DNAH6: variants seen among roughly 807,000 people sequenced by gnomAD.
The protein encoded by DNAH6 is dynein axonemal heavy chain 6.
A neutral mutation model predicts 491.4 loss-of-function variants in DNAH6; 340 were observed. That is an observed-to-expected ratio of 0.69 (90% confidence interval 0.63 to 0.76). DNAH6 has a LOEUF of 0.76. Among genes scored for constraint, DNAH6 ranks in the 30% least tolerant of loss-of-function variants. The pLI is 0.00. For missense variants in DNAH6, 4,443 were observed against 4,972.2 expected, an observed-to-expected ratio of 0.89 and a Z score of 3.20; for synonymous variants, 1,603 against 1,686.1, an observed-to-expected ratio of 0.95 and a Z score of 1.21.
the DNAH6 span, among the ~76,000 whole-genome samples, chr2:84,483,047 A>AACTCCTAGGCTCAAGTGATCCTCCC: frequency 6.6e-6 from 1 of 151,468 alleles, no homozygotes; most frequent in East Asian, 1.9e-4. Flanking sequence ...TGCAGCCTCC[A>AACTCCTAGGCTCAAGTGATCCTCCC]ACTCCTAGGC....
intron 68 of DNAH6, among the ~76,000 whole-genome samples, chr2:84,789,954 A>G (rs984845083): frequency 6.6e-6 from 1 of 152,250 alleles, no homozygotes; most frequent in Non-Finnish European, 1.5e-5. Flanking sequence ...TCCCAGGACC[A>G]TCAGTTCTTT....
At chr2:84,588,393 C>G (rs1382937083) in intron 15 of DNAH6, among the ~76,000 whole-genome samples, 2 of 152,204 alleles carry the variant, frequency 1.3e-5, no homozygotes. Flanking sequence ...TAAAACATGT[C>G]TTGCCATTTA....
At chr2:84,607,814 G>T (rs1685924157) in intron 21 of DNAH6, among the ~76,000 whole-genome samples, 2 of 152,106 alleles carry the variant, frequency 1.3e-5, no homozygotes, top group South Asian at 4.1e-4. Context: ...GGTTGGGGGT[G>T]CTGTGGCAAT....
At chr2:84,649,532 G>A (rs188526283) in intron 33 of DNAH6, among the ~76,000 whole-genome samples, 4 of 152,064 alleles carry the variant, frequency 2.6e-5, no homozygotes, top group East Asian at 1.9e-4. Context: ...CATTCCAGAG[G>A]GATATTTCCC....
intron 42 of DNAH6, among the ~76,000 whole-genome samples, chr2:84,682,555 C>A (rs948873395): frequency 6.6e-6 from 1 of 152,160 alleles, no homozygotes; most frequent in Admixed American, 6.5e-5. Context: ...TCAGTGTGCA[C>A]CCTCAGGCAT....
At chr2:84,468,839 T>C in the DNAH6 span, among the ~76,000 whole-genome samples, 1 of 152,314 alleles carries the variant, frequency 6.6e-6, no homozygotes, top group African/African-American at 2.4e-5. Context: ...CTAAAATTTC[T>C]GTTCCCTGGA....
Position 84,518,036 on chromosome 2 carries a change from A to G in DNAH6, c.210A>G (p.Ile70Met). The G allele has an allele frequency of 6.5e-7, 1 of 1,547,962 alleles. No homozygotes were observed. Among genetic ancestry groups the G allele is most frequent in the Non-Finnish European group, 8.7e-7 (1 of 1,146,096 alleles). The stretch of plus-strand genomic sequence containing the variant: ...AGACAAGAAAACGACAGCAGCCTAT[A>G]AAACTAGAGCCTTTGGTAAGTTCAA... ...QEKTRKRQQP[I>M]KLEPLPVLKV... The change falls in exon 2 of 77, where the codon ATA becomes ATG. Residue 70 changes from isoleucine to methionine, a missense_variant. By Grantham distance (10) the Ile-to-Met change is conservative (BLOSUM62 1). Around this residue, in one of 3 missense-constraint regions of DNAH6, gnomAD observed 2,977 missense variants for 3,296.6 expected, o/e 0.90. Coordinates refer to ENST00000389394, the MANE Select transcript of DNAH6 (RefSeq NM_001370.2).
chr2:84,686,182 C>T (rs1350784994), intron 43 of DNAH6, among the ~76,000 whole-genome samples: 5 of 130,056 alleles, frequency 3.8e-5, no homozygotes, highest in South Asian at 2.3e-4. Context: ...TGCAAGACTC[C>T]GTCTCAAAAA....
At chr2:84,497,014 A>G in the DNAH6 span, among the ~76,000 whole-genome samples, 1 of 144,914 alleles carries the variant, frequency 6.9e-6, no homozygotes, top group South Asian at 2.1e-4. Context: ...TCTGTCACCC[A>G]TGCTGGAGTG....
intron 37 of DNAH6, among the ~76,000 whole-genome samples, chr2:84,668,230 A>T (rs374395719): frequency 5.7e-4 from 87 of 152,370 alleles, no homozygotes; most frequent in African/African-American, 1.9e-3. Context: ...CCTAGAACTT[A>T]AAGTATAATA....
At chr2:84,673,758 C>T (rs1311835178) in intron 40 of DNAH6, among the ~76,000 whole-genome samples, 1 of 152,180 alleles carries the variant, frequency 6.6e-6, no homozygotes, top group East Asian at 1.9e-4. Context: ...TCTCTTTTCA[C>T]ACTTTTCTGC....
chr2:84,624,289 G>T lies in DNAH6; in HGVS notation c.4096G>T (p.Val1366Phe), dbSNP rs938175546. The T allele has an allele frequency of 2.6e-6, 4 of 1,550,542 alleles. No homozygotes were observed. In the African/African-American group the frequency reaches 5.5e-5, roughly 21 times the overall value. The change falls in exon 27 of 77, where the codon GTT becomes TTT. Residue 1366 changes from valine (V) to phenylalanine (F), a missense_variant. Around this residue, in one of 3 missense-constraint regions of DNAH6, gnomAD observed 2,977 missense variants for 3,296.6 expected, o/e 0.90. Transcript: ENST00000389394. The stretch of plus-strand genomic sequence containing the variant: ...GAGATTAAATGCCCTAGCTGCAATA[G>T]TTCAAGGCAGTCTTCCTAAATTACA... ...FERLNALAAI[V>F]QGSLPKLHRN...
chr2:84,559,896 T>A (rs924511267), intron 11 of DNAH6, among the ~76,000 whole-genome samples: 1 of 152,064 alleles, frequency 6.6e-6, no homozygotes, highest in African/African-American at 2.4e-5. Flanking sequence ...CAAAGGAGAA[T>A]AAGTTCAAAA....
intron 37 of DNAH6, among the ~76,000 whole-genome samples, chr2:84,664,949 C>G (rs1691926763): frequency 6.6e-6 from 1 of 152,200 alleles, no homozygotes; most frequent in South Asian, 2.1e-4. Context: ...GAAACTCACT[C>G]AAGACCGCTC....
At chr2:84,636,555 C>T (rs893483170) in intron 30 of DNAH6, among the ~76,000 whole-genome samples, 3 of 152,128 alleles carry the variant, frequency 2.0e-5, no homozygotes, top group African/African-American at 4.8e-5. Context: ...CACCTATTGC[C>T]TCACCTGCAA....
At chr2:84,461,844 G>A in the DNAH6 span, among the ~76,000 whole-genome samples, 1 of 152,182 alleles carries the variant, frequency 6.6e-6, no homozygotes, top group Non-Finnish European at 1.5e-5. Flanking sequence ...CATCCATAAG[G>A]AGGGCAGTCT....
At chr2:84,761,603 A>G (rs1674585427) in intron 63 of DNAH6, among the ~76,000 whole-genome samples, 1 of 152,208 alleles carries the variant, frequency 6.6e-6, no homozygotes. Context: ...GCCCTATTGC[A>G]TAGCTGTTCC....
At chr2:84,527,694 C>T (rs893999379) in intron 3 of DNAH6, among the ~76,000 whole-genome samples, 5 of 152,140 alleles carry the variant, frequency 3.3e-5, no homozygotes, top group Admixed American at 6.5e-5. Flanking sequence ...TTACCTTTTA[C>T]GTTCAAAGAT....
chr2:84,599,929 T>C (rs2104237193), intron 18 of DNAH6, among the ~76,000 whole-genome samples: 1 of 152,358 alleles, frequency 6.6e-6, no homozygotes, highest in South Asian at 2.1e-4. Context: ...ACTTTTATGA[T>C]TTCTGTCCTT....
Sources: allele counts gnomAD v4.1 joint callset (sites outside exome capture counted in the v4.1 genomes callset), GRCh38; gene constraint gnomAD v4.1.1; regional missense constraint gnomAD v4.1.1; transcripts MANE v1.5; gene names NCBI Gene and HGNC (gene_info 2026-07-23, HGNC 2026-07-21).